The following ZNF444 variants were observed in gnomAD, a reference collection of about 807,000 sequenced individuals.
ZNF444 encodes the protein endothelial zinc finger protein 2.
In ZNF444, 8 loss-of-function variants were observed where a neutral mutation model predicts 14.4. The observed-to-expected ratio is 0.56, with a 90% CI of 0.33 to 1.00. The LOEUF (loss-of-function observed/expected upper bound fraction) is 1.00. ZNF444 is among the 50% of genes least tolerant of loss of function. The pLI is 0.03. For missense variants in ZNF444, 510 were observed against 504.8 expected, an observed-to-expected ratio of 1.01 and a Z score of -0.10; for synonymous variants, 258 against 235.9, an observed-to-expected ratio of 1.09 and a Z score of -0.86.
At chr19:56,133,187 C>T (rs548083882) in intron 1 of ZNF444, among the ~76,000 whole-genome samples, 12 of 152,048 alleles carry the variant, frequency 7.9e-5, no homozygotes, top group African/African-American at 2.9e-4. Context: ...ATCCACCCAC[C>T]TCGGCCTCCC....
intron 4 of ZNF444, among the ~76,000 whole-genome samples, chr19:56,159,290 C>A (rs887033558): frequency 6.6e-6 from 1 of 151,792 alleles, no homozygotes; most frequent in Non-Finnish European, 1.5e-5. Flanking sequence ...CCCACGCATT[C>A]TTCATCTACC....
chr19:56,142,362 T>C (rs915855937), intron 1 of ZNF444: 6 of 152,248 alleles, frequency 3.9e-5, no homozygotes, highest in Non-Finnish European at 5.9e-5. Flanking sequence ...GAGCTGGAAT[T>C]TGCCCCAGAG....
At chr19:56,153,281 T>C (rs1321808950) in intron 3 of ZNF444, among the ~76,000 whole-genome samples, 1 of 152,214 alleles carries the variant, frequency 6.6e-6, no homozygotes, top group East Asian at 1.9e-4. Context: ...AGTTTGTTTA[T>C]GACTTTTTTA....
At chr19:56,133,783 A>T (rs1272718243) in intron 1 of ZNF444, among the ~76,000 whole-genome samples, 1 of 140,788 alleles carries the variant, frequency 7.1e-6, no homozygotes, top group African/African-American at 2.7e-5. Context: ...ACTGCACTCC[A>T]GCCTGGGCGA....
At chr19:56,155,105 G>C (rs575021508) in intron 3 of ZNF444, 2 of 152,290 alleles carry the variant, frequency 1.3e-5, no homozygotes, top group South Asian at 4.1e-4. Context: ...GTGTGTTCCT[G>C]GCTGTGCCAA....
At chr19:56,148,080 T>C (rs2031315942) in intron 3 of ZNF444, among the ~76,000 whole-genome samples, 10 of 152,240 alleles carry the variant, frequency 6.6e-5, no homozygotes, top group Admixed American at 5.9e-4. Context: ...CATGCCATCT[T>C]AAGTGTTCTA....
chr19:56,143,759 C>T (rs780864255), intron 1 of ZNF444, among the ~76,000 whole-genome samples: 12 of 152,116 alleles, frequency 7.9e-5, no homozygotes, highest in South Asian at 2.1e-4. Flanking sequence ...ACACAGATAT[C>T]GTAACACTAG....
chr19:56,136,315 T>G (rs1414358346), upstream of ZNF444, among the ~76,000 whole-genome samples: 1 of 152,136 alleles, frequency 6.6e-6, no homozygotes, highest in Non-Finnish European at 1.5e-5. Context: ...GGCTGGACAC[T>G]GATTCTGTGT....
chr19:56,138,605 T>A (rs959822187), upstream of ZNF444, among the ~76,000 whole-genome samples: 8 of 152,088 alleles, frequency 5.3e-5, no homozygotes, highest in Non-Finnish European at 8.8e-5. Flanking sequence ...TGGACTCCAG[T>A]CTGGCCAACA....
At chr19:56,140,082 A>C (rs1473007151), upstream of ZNF444, among the ~76,000 whole-genome samples, 1 of 152,234 alleles carries the variant, frequency 6.6e-6, no homozygotes, top group Admixed American at 6.5e-5. Flanking sequence ...TGAGTCAGCC[A>C]CTCATCGCTT....
intron 1 of ZNF444, among the ~76,000 whole-genome samples, chr19:56,135,888 G>A (rs1207622303): frequency 6.6e-6 from 1 of 151,496 alleles, no homozygotes; most frequent in African/African-American, 2.4e-5. Flanking sequence ...CGACCAGCCT[G>A]GCCAACATGG....
chr19:56,160,129 G>C lies in ZNF444; in HGVS notation c.912G>C (p.Ala304=), dbSNP rs1176255795. The C allele has an allele frequency of 6.7e-7, 1 of 1,483,830 alleles. No individual in the cohort carries two copies. The highest frequency in any genetic ancestry group is 2.3e-5 in the Admixed American group (1 of 42,988). 91.9% of individuals were successfully genotyped at this position (1,483,830 alleles called of 1,614,324 possible). The change falls in exon 5 of 5, where the codon GCG becomes GCC. Residue 304 remains alanine, a synonymous_variant. Coordinates refer to ENST00000337080, the MANE Select transcript of ZNF444 (RefSeq NM_018337.4). ...LRHQRIHGRA[A]ASAQGAVAPG... ...ACCAGCGCATCCACGGCCGGGCAGC[G>C]GCCAGCGCGCAGGGGGCGGTAGCTC...
upstream of ZNF444, among the ~76,000 whole-genome samples, chr19:56,140,155 G>A (rs978127639): frequency 2.0e-5 from 3 of 152,158 alleles, no homozygotes; most frequent in Admixed American, 6.5e-5. Flanking sequence ...TGTAATGAAT[G>A]CTTGTTATGG....
chr19:56,134,113 T>A (rs2030557564), intron 1 of ZNF444, among the ~76,000 whole-genome samples: 1 of 152,064 alleles, frequency 6.6e-6, no homozygotes, highest in South Asian at 2.1e-4. Flanking sequence ...AGCTCACTCA[T>A]GCGTCCATCA....
intron 1 of ZNF444, among the ~76,000 whole-genome samples, chr19:56,135,679 C>A (rs1041893712): frequency 6.6e-6 from 1 of 151,844 alleles, no homozygotes; most frequent in African/African-American, 2.4e-5. Context: ...AGTGCCCCAG[C>A]AAATCTGCCT....
rs1027273488 is a variant in ZNF444, at chr19:56,146,882, C to G, written c.-22-8C>G. 2 of 1,376,888 alleles carry G rather than the reference C, an allele frequency of 1.5e-6. No homozygotes were observed. The highest frequency in any genetic ancestry group is 3.1e-5 in the African/African-American group (2 of 65,122). The allele number at this position is 1,376,888 out of a possible 1,614,324, so 85.3% of individuals were successfully genotyped here. On this transcript the variant is annotated splice_polypyrimidine_tract_variant and splice_region_variant and intron_variant, in intron 2 of 4. Coordinates refer to ENST00000337080, the MANE Select transcript of ZNF444 (RefSeq NM_018337.4). ...CGGGCAGGGGTCTCACCGGCTTGTT[C>G]CCTGCAGGCGCTGCGGTCCGGGAGG...
chr19:56,151,960 C>A (rs2031608000), intron 3 of ZNF444: 5 of 455,958 alleles, frequency 1.1e-5, no homozygotes, highest in Non-Finnish European at 2.2e-5. Context: ...CGAGACATTG[C>A]CGGATGAGAA....
chr19:56,134,562 G>A (rs1456396986), intron 1 of ZNF444, among the ~76,000 whole-genome samples: 2 of 152,186 alleles, frequency 1.3e-5, no homozygotes, highest in Non-Finnish European at 2.9e-5. Flanking sequence ...TGTGGGGGTG[G>A]TCTGGGAAGG....
chr19:56,137,197 G>A (rs572278220), upstream of ZNF444, among the ~76,000 whole-genome samples: 20 of 151,878 alleles, frequency 1.3e-4, no homozygotes, highest in African/African-American at 4.3e-4. Flanking sequence ...GAGGCCTGGC[G>A]CGGTGGCTCA....
Sources: gnomAD v4.1 joint callset for allele counts (sites outside exome capture counted in the v4.1 genomes callset) on GRCh38, gnomAD v4.1.1 for gene constraint, MANE v1.5 for transcripts, NCBI Gene and HGNC (gene_info 2026-07-23, HGNC 2026-07-21) for gene names.